MVB12B: variants seen among roughly 807,000 people sequenced by gnomAD.
MVB12B encodes ESCRT-I complex subunit MVB12B.
In MVB12B, 16 loss-of-function variants were observed where a neutral mutation model predicts 41.6. The observed-to-expected ratio is 0.38, with a 90% CI of 0.26 to 0.58. MVB12B has a LOEUF of 0.58. Among genes scored for constraint, MVB12B ranks in the 20% least tolerant of loss-of-function variants. The probability of loss-of-function intolerance (pLI) is 0.62; values close to 1 mark genes in which losing one functional copy is unlikely to be tolerated. For synonymous variants in MVB12B, 133 were observed against 139.7 expected, an observed-to-expected ratio of 0.95 and a Z score of 0.34; for missense variants, 274 against 380.2, an observed-to-expected ratio of 0.72 and a Z score of 2.32.
intron 7 of MVB12B, among the ~76,000 whole-genome samples, chr9:126,453,693 C>T (rs1832924089): frequency 6.6e-6 from 1 of 152,216 alleles, no homozygotes; most frequent in Admixed American, 6.5e-5. Context: ...CGTTACGTGG[C>T]ACATGCATAC....
chr9:126,361,973 A>T (rs116718308), intron 2 of MVB12B, among the ~76,000 whole-genome samples: 183 of 151,488 alleles, frequency 1.2e-3, no homozygotes, highest in African/African-American at 4.2e-3. Context: ...GTTTCTTATA[A>T]GAAGTCTGCT....
chr9:126,477,235 G>A (rs150175811), intron 7 of MVB12B, among the ~76,000 whole-genome samples: 82 of 152,296 alleles, frequency 5.4e-4, no homozygotes, highest in South Asian at 1.9e-3. Context: ...ACTCACTACC[G>A]TGAGAACAGC....
chr9:126,415,584 C>G (rs1831794347), intron 6 of MVB12B, among the ~76,000 whole-genome samples: 1 of 152,124 alleles, frequency 6.6e-6, no homozygotes, highest in Non-Finnish European at 1.5e-5. Flanking sequence ...TTAACCAACC[C>G]AGTCGTGGGG....
chr9:126,407,362 T>C (rs971188997), intron 6 of MVB12B, among the ~76,000 whole-genome samples: 1 of 152,214 alleles, frequency 6.6e-6, no homozygotes, highest in Non-Finnish European at 1.5e-5. Flanking sequence ...GACCCTGGCC[T>C]TCTCCCAGCA....
At chr9:126,380,895 C>T (rs1351847954) in intron 2 of MVB12B, among the ~76,000 whole-genome samples, 169 bp from the exon 3 acceptor site, 1 of 152,218 alleles carries the variant, frequency 6.6e-6, no homozygotes, top group Non-Finnish European at 1.5e-5. Context: ...GTTTTTCACA[C>T]CCTCCCTTTT....
At chr9:126,360,462 C>T (rs552040134) in intron 2 of MVB12B, among the ~76,000 whole-genome samples, 1 of 152,208 alleles carries the variant, frequency 6.6e-6, no homozygotes, top group Non-Finnish European at 1.5e-5. Context: ...TGGATTTGGC[C>T]TGCAAGCTGT....
intron 6 of MVB12B, among the ~76,000 whole-genome samples, chr9:126,413,845 T>TGTGTGTGTGTGTG (rs1554776225): frequency 7.2e-6 from 1 of 139,218 alleles, no homozygotes; most frequent in Non-Finnish European, 1.6e-5. Flanking sequence ...TGTGTGTGTG[T>TGTGTGTGTGTGTG]GTGTGTGTAT....
rs559428047 is a variant in MVB12B at position 126,333,981 on chromosome 9, A to G, written c.82-6527A>G. ...TTTAGTGTCAGCTGGGAGCTGTTAC[A>G]AATGCATGTTCTTAGACCAGCTCAG... On this transcript the variant is annotated intron_variant, in intron 1 of 9. Transcript: ENST00000361171. The surrounding 1 kb of genome is among the most constrained non-coding windows in gnomAD (Gnocchi z 4.7). Among the ~76,000 whole-genome samples, 149 of 152,342 alleles carry G rather than the reference A, an allele frequency of 9.8e-4. No individual in the cohort carries two copies. The highest frequency in any genetic ancestry group is 3.5e-3 in the African/African-American group (147 of 41,578).
At chr9:126,450,790 C>A (rs149115678) in intron 7 of MVB12B, among the ~76,000 whole-genome samples, 295 of 152,302 alleles carry the variant, frequency 1.9e-3, no homozygotes, top group Non-Finnish European at 3.2e-3. Flanking sequence ...CTAATGAGAG[C>A]TGGGATTCCG....
chr9:126,409,299 C>CTGTGTGTGTGTGTG (rs61211126), intron 6 of MVB12B, among the ~76,000 whole-genome samples: 11 of 138,028 alleles, frequency 8.0e-5, no homozygotes, highest in African/African-American at 2.2e-4. Flanking sequence ...GTGAGTAACT[C>CTGTGTGTGTGTGTG]TGTGTGTGTG....
Position 126,478,944 on chromosome 9 carries a change from G to T in MVB12B, c.758-2425G>T. Among the ~76,000 whole-genome samples, 1 of 152,224 alleles carries T rather than the reference G, an allele frequency of 6.6e-6. No individual in the cohort carries two copies. Among genetic ancestry groups the T allele is most frequent in the East Asian group, 1.9e-4 (1 of 5,194 alleles). On this transcript the variant is annotated intron_variant, in intron 7 of 9. Transcript: ENST00000361171. This position sits in a 1 kb window ranked among gnomAD's most constrained non-coding sequence, Gnocchi z 4.2. Reference sequence around the variant, plus strand: ...GTCTTTAAAACATCAGAGGCAGAAAGTCTGGGGAATGAATGGTGAGTGGGT... The same window carrying T: ...GTCTTTAAAACATCAGAGGCAGAAATTCTGGGGAATGAATGGTGAGTGGGT...
chr9:126,425,686 T>C (rs984940695), intron 7 of MVB12B, among the ~76,000 whole-genome samples: 1 of 152,242 alleles, frequency 6.6e-6, no homozygotes, highest in Admixed American at 6.5e-5. Flanking sequence ...CTGTCTGTAA[T>C]TCCAGCACCA....
rs545993924 is a variant in MVB12B, at chr9:126,501,447, T to C, written c.874-1730T>C. ...GCAGATGCTGTGAACAGGGCTCCCT[T>C]CGGTTTGGGGGCCACATGTCTGCTC... On this transcript the variant is annotated intron_variant, in intron 9 of 9. Coordinates refer to ENST00000361171, the MANE Select transcript of MVB12B (RefSeq NM_033446.3). Among the ~76,000 whole-genome samples the C allele has an allele frequency of 3.3e-5, 5 of 152,276 alleles. No individual in the cohort carries two copies. The East Asian group carries it at 7.7e-4, about 24-fold the overall frequency.
intron 7 of MVB12B, among the ~76,000 whole-genome samples, chr9:126,431,120 G>T (rs143882837): frequency 2.0e-5 from 3 of 152,364 alleles, no homozygotes; most frequent in Non-Finnish European, 4.4e-5. Context: ...TTAGCCGTGT[G>T]CTTCCTTATA....
At chr9:126,365,567 C>T (rs9802948) in intron 2 of MVB12B, among the ~76,000 whole-genome samples, 1,634 of 152,156 alleles carry the variant, frequency 0.011, 49 homozygotes, top group East Asian at 0.069. Context: ...TCTCAAACTC[C>T]TGACCTCAGA....
chr9:126,329,973 G>A (rs1001598844), intron 1 of MVB12B, among the ~76,000 whole-genome samples: 15 of 151,222 alleles, frequency 9.9e-5, no homozygotes, highest in Admixed American at 2.0e-4. Flanking sequence ...CTGCCCTAGG[G>A]AATCGTGGCT....
At chr9:126,375,939 G>A (rs1361386646) in intron 2 of MVB12B, among the ~76,000 whole-genome samples, 1 of 152,092 alleles carries the variant, frequency 6.6e-6, no homozygotes, top group Non-Finnish European at 1.5e-5. Context: ...CAGTGTGGTG[G>A]GATTCTCGGT....
In MVB12B at chr9:126,496,262, TA is replaced by T. The variant is rs1405628222; in HGVS notation, c.874-6914del. On this transcript the variant is annotated intron_variant, in intron 9 of 9. Coordinates refer to ENST00000361171, the MANE Select transcript of MVB12B (RefSeq NM_033446.3). ...CCACTTACCCAACCATCCATCCACC[TA>T]CCCATCGCCCCACCCACCCTTCCAC... is the stretch of plus-strand genomic sequence containing the variant. Among the ~76,000 whole-genome samples the T allele has an allele frequency of 9.5e-5, 11 of 115,890 alleles. No homozygotes were observed. The East Asian group carries it at 1.5e-3, about 16-fold the overall frequency. The allele number at this position is 115,890 out of a possible 152,430, so 76.0% of individuals were successfully genotyped here.
intron 2 of MVB12B, among the ~76,000 whole-genome samples, chr9:126,370,109 A>G (rs1564293776): frequency 6.6e-6 from 1 of 152,194 alleles, no homozygotes; most frequent in Non-Finnish European, 1.5e-5. Flanking sequence ...GTCATTTTCA[A>G]TAATGCAATA....
Sources: allele counts gnomAD v4.1 joint callset (sites outside exome capture counted in the v4.1 genomes callset), GRCh38; gene constraint gnomAD v4.1.1; non-coding constraint Gnocchi (gnomAD v3.1); transcripts MANE v1.5; gene names NCBI Gene and HGNC (gene_info 2026-07-23, HGNC 2026-07-21).